The following OTOA variants were observed in gnomAD, a reference collection of about 807,000 sequenced individuals.
OTOA encodes the protein otoancorin, also known as cancer/testis antigen 108.
In OTOA, 70 loss-of-function variants were observed where a neutral mutation model predicts 110.8. The ratio of observed to expected loss-of-function variants is 0.63; its 90% CI spans 0.52 to 0.77. The LOEUF (loss-of-function observed/expected upper bound fraction) is 0.77, where lower values mean the gene tolerates loss of function less well. Among genes scored for constraint, OTOA ranks in the 30% least tolerant of loss-of-function variants. The pLI is 0.00. For missense variants in OTOA, 917 were observed against 1,075.8 expected, an observed-to-expected ratio of 0.85 and a Z score of 2.06; for synonymous variants, 373 against 431.5, an observed-to-expected ratio of 0.86 and a Z score of 1.68.
intron 6 of OTOA, among the ~76,000 whole-genome samples, chr16:21,682,728 G>T (rs1256797029): frequency 6.6e-6 from 1 of 152,034 alleles, no homozygotes; most frequent in Admixed American, 6.6e-5. Context: ...ATTCAGTTTA[G>T]CAAAAGACCA....
At chr16:21,710,470 C>G (rs1898322753) in intron 13 of OTOA, among the ~76,000 whole-genome samples, 1 of 152,166 alleles carries the variant, frequency 6.6e-6, no homozygotes, top group Non-Finnish European at 1.5e-5. Context: ...TCTCACCTCC[C>G]AATGCCATCA....
At chr16:21,720,192 G>A (rs1480429974) in intron 17 of OTOA, among the ~76,000 whole-genome samples, 10 of 152,112 alleles carry the variant, frequency 6.6e-5, no homozygotes, top group Non-Finnish European at 1.5e-4. Context: ...CTGGGCTCAA[G>A]TGATCCTCCT....
Position 21,709,898 on chromosome 16 carries a change from A to G in OTOA, c.1115A>G (p.Glu372Gly). 4.3e-6 allele frequency: 7 copies of G among 1,613,496 alleles called. No homozygotes were observed. Among genetic ancestry groups the G allele is most frequent in the Non-Finnish European group, 5.9e-6 (7 of 1,179,462 alleles). The part of the protein sequence containing the change: ...FQAGVQKLKA[E>G]LLDIAMENQT... ...TTGCTCTCCTTCCAGCTCAAAGCAG[A>G]ACTCCTGGACATTGCCATGGAGAAC... The change falls in exon 13 of 29, where the codon GAA becomes GGA. Residue 372 changes from glutamate (E) to glycine (G), a missense_variant. By Grantham distance (98) the Glu-to-Gly change is moderately conservative. Around this residue, in one of 6 missense-constraint regions of OTOA, gnomAD observed 840 missense variants for 910.2 expected, o/e 0.92. Coordinates refer to ENST00000646100, the MANE Select transcript of OTOA (RefSeq NM_144672.4).
chr16:21,691,443 G>A (rs1897827184), intron 8 of OTOA, 141 bp from the exon 9 acceptor site: 3 of 703,292 alleles, frequency 4.3e-6, no homozygotes, highest in Non-Finnish European at 5.1e-6. Context: ...CAGTGTAAAA[G>A]CGTTTCTATT....
intron 19 of OTOA, among the ~76,000 whole-genome samples, chr16:21,727,861 CTTT>C (rs1247263694): frequency 1.5e-5 from 2 of 133,864 alleles, no homozygotes. Flanking sequence ...GGGATCGGAA[CTTT>C]TTTTTTTTTT....
At chr16:21,715,769 C>T (rs934854383) in intron 14 of OTOA, among the ~76,000 whole-genome samples, 3 of 151,862 alleles carry the variant, frequency 2.0e-5, no homozygotes, top group African/African-American at 4.8e-5. Flanking sequence ...CCTTCTGCTT[C>T]GGCCTCCCAA....
intron 25 of OTOA, 131 bp downstream of exon 25, chr16:21,752,208 A>G (rs1899847825): frequency 2.6e-6 from 1 of 383,046 alleles, no homozygotes. Context: ...TTTCTGGGCT[A>G]AAATCCCACT....
chr16:21,695,230 C>G (rs1022774729), intron 9 of OTOA, among the ~76,000 whole-genome samples: 1 of 146,830 alleles, frequency 6.8e-6, no homozygotes. Context: ...TGAGACCCCC[C>G]CCCCCCATAC....
chr16:21,721,236 C>T (rs991773967), intron 17 of OTOA: 25 of 129,118 alleles, frequency 1.9e-4, no homozygotes, highest in African/African-American at 1.1e-3. Flanking sequence ...AATTATTACA[C>T]ACACACACAC....
chr16:21,733,930 G>C (rs1382836224), intron 21 of OTOA, among the ~76,000 whole-genome samples: 1 of 152,150 alleles, frequency 6.6e-6, no homozygotes, highest in African/African-American at 2.4e-5. Flanking sequence ...CTCCTGAGTA[G>C]CAGGGATTAT....
chr16:21,712,903 G>C (rs1898403296), intron 13 of OTOA, among the ~76,000 whole-genome samples: 1 of 152,156 alleles, frequency 6.6e-6, no homozygotes, highest in South Asian at 2.1e-4. Context: ...GAGTTATAGA[G>C]TAGAATCCAT....
chr16:21,744,245 G>A (rs1395095605), intron 23 of OTOA, among the ~76,000 whole-genome samples: 8 of 150,782 alleles, frequency 5.3e-5, no homozygotes, highest in African/African-American at 1.9e-4. Context: ...CTGCAAGTGA[G>A]TCTTGTGCCT....
Position 21,716,955 on chromosome 16 carries a change from G to T in OTOA, c.1537G>T (p.Ala513Ser), listed in dbSNP as rs142890730. 5.4e-5 allele frequency: 87 copies of T among 1,613,910 alleles called. 1 individual carries two copies. The highest frequency in any genetic ancestry group is 7.1e-5 in the Non-Finnish European group (84 of 1,180,010). ...TAPGIVEIQGAFFKEVSLFDL... is the reference protein window; with the variant it reads ...TAPGIVEIQGSFFKEVSLFDL... ...CCCAGGCATCGTGGAGATACAAGGGGCTTTCTTTAAGGAAGTGTCTCTCTT... is the reference window on the plus strand; with the variant it reads ...CCCAGGCATCGTGGAGATACAAGGGTCTTTCTTTAAGGAAGTGTCTCTCTT... Residue 513 changes from alanine to serine, a missense_variant, in exon 15 of 29, where the codon GCT becomes TCT. By Grantham distance (99) the Ala-to-Ser change is moderately conservative. Coordinates refer to ENST00000646100, the MANE Select transcript of OTOA (RefSeq NM_144672.4).
chr16:21,692,408 C>A (rs531513116), intron 9 of OTOA, among the ~76,000 whole-genome samples: 5 of 151,844 alleles, frequency 3.3e-5, no homozygotes, highest in Non-Finnish European at 4.4e-5. Flanking sequence ...TAACTCTGAG[C>A]GTCCTGGCTA....
At chr16:21,714,578 C>G (rs1320976623) in intron 13 of OTOA, among the ~76,000 whole-genome samples, 1 of 151,628 alleles carries the variant, frequency 6.6e-6, no homozygotes, top group Non-Finnish European at 1.5e-5. Flanking sequence ...ATGGTACAAT[C>G]TCAGCTCACT....
At position 21,751,724 on chromosome 16, in the gene OTOA, A is replaced by G. The variant is rs550164558; in HGVS notation, c.2776-211A>G. Among the ~76,000 whole-genome samples, 2 of 116,930 alleles carry G rather than the reference A, an allele frequency of 1.7e-5. 1 individual carries two copies. Among genetic ancestry groups the G allele is most frequent in the Admixed American group, 1.9e-4 (2 of 10,608 alleles). 76.7% of individuals were successfully genotyped at this position (116,930 alleles called of 152,430 possible). On this transcript the variant is annotated intron_variant, in intron 24 of 28. Coordinates refer to ENST00000646100, the MANE Select transcript of OTOA (RefSeq NM_144672.4). Reference sequence around the variant, plus strand: ...TGTAAGAGATTCATTGCCTGAAGACACTTTCATAGATTAGGGGACATACTC... The same window carrying G: ...TGTAAGAGATTCATTGCCTGAAGACGCTTTCATAGATTAGGGGACATACTC...
At chr16:21,714,958 C>T in intron 13 of OTOA, 27 bp from the exon 14 acceptor site, 1 of 1,613,776 alleles carries the variant, frequency 6.2e-7, no homozygotes, top group Non-Finnish European at 8.5e-7. Flanking sequence ...GGAGCAGAGC[C>T]TGACTGCGCA....
chr16:21,666,888 A>T (rs1391578550), intron 1 of OTOA, among the ~76,000 whole-genome samples: 1 of 152,182 alleles, frequency 6.6e-6, no homozygotes, highest in Non-Finnish European at 1.5e-5. Context: ...CATTATGCAC[A>T]GCAGAAAGCA....
At position 21,700,998 on chromosome 16, in the gene OTOA, T is replaced by C; in HGVS notation, c.951T>C (p.Phe317=). ...AFLERISSSN[F]NMRNTSTIHR... is the part of the protein sequence containing the mutation. ...TGGAGAGGATCAGCTCCTCCAACTT[T>C]AACATGAGGAATACCTCCACCATCC... Residue 317 remains phenylalanine, a synonymous_variant, in exon 11 of 29, where the codon TTT becomes TTC. Transcript: ENST00000646100. 1 of 1,614,150 alleles carries C rather than the reference T, an allele frequency of 6.2e-7. No homozygotes were observed. Among genetic ancestry groups the C allele is most frequent in the Non-Finnish European group, 8.5e-7 (1 of 1,180,022 alleles).
Sources: gnomAD v4.1 joint callset for allele counts (sites outside exome capture counted in the v4.1 genomes callset) on GRCh38, gnomAD v4.1.1 for gene constraint, gnomAD v4.1.1 regional missense constraint, MANE v1.5 for transcripts, NCBI Gene and HGNC (gene_info 2026-07-23, HGNC 2026-07-21) for gene names.